LRRC4C: variants seen among roughly 807,000 people sequenced by gnomAD.
The protein encoded by LRRC4C is leucine rich repeat containing 4C, also known as leucine-rich repeat-containing protein 4C.
LRRC4C carries 5 observed loss-of-function variants against 33.6 expected under a neutral mutation model. That is an observed-to-expected ratio of 0.15 (90% CI 0.08 to 0.31). The LOEUF is 0.31. LRRC4C is among the 10% of genes least tolerant of loss of function. The probability of loss-of-function intolerance (pLI) is 1.00; values close to 1 mark genes in which losing one functional copy is unlikely to be tolerated. For synonymous variants in LRRC4C, 329 were observed against 302.0 expected, an observed-to-expected ratio of 1.09 and a Z score of -0.93; for missense variants, 560 against 796.7, an observed-to-expected ratio of 0.70 and a Z score of 3.58.
At chr11:40,882,741 A>T (rs904130834) in intron 2 of LRRC4C, among the ~76,000 whole-genome samples, 1 of 152,088 alleles carries the variant, frequency 6.6e-6, no homozygotes, top group African/African-American at 2.4e-5. Flanking sequence ...TTTACTGCCC[A>T]TACTGACCTT....
At chr11:41,077,487 C>A (rs946945619) in intron 1 of LRRC4C, among the ~76,000 whole-genome samples, 1 of 152,188 alleles carries the variant, frequency 6.6e-6, no homozygotes, top group Non-Finnish European at 1.5e-5. Context: ...GGCTTGTACC[C>A]CCTGGAGCAA....
intron 3 of LRRC4C, among the ~76,000 whole-genome samples, chr11:40,368,362 A>G (rs1041816855): frequency 6.6e-6 from 1 of 152,070 alleles, no homozygotes; most frequent in Non-Finnish European, 1.5e-5. Flanking sequence ...CAGTGTTTGG[A>G]TGAGAGTACA....
chr11:40,969,775 T>A (rs1235494770), intron 1 of LRRC4C, among the ~76,000 whole-genome samples: 1 of 152,172 alleles, frequency 6.6e-6, no homozygotes, highest in Non-Finnish European at 1.5e-5. Context: ...AAATTAAAAA[T>A]TTTGTGACTC....
At chr11:41,030,738 C>A (rs1207116443) in intron 1 of LRRC4C, among the ~76,000 whole-genome samples, 1 of 151,470 alleles carries the variant, frequency 6.6e-6, no homozygotes, top group Non-Finnish European at 1.5e-5. Context: ...TGGAACAAAA[C>A]CAAAATCAGA....
chr11:40,518,575 T>C (rs763713704), intron 3 of LRRC4C, among the ~76,000 whole-genome samples: 4 of 152,132 alleles, frequency 2.6e-5, no homozygotes, highest in Non-Finnish European at 5.9e-5. Flanking sequence ...GCAGTTAGAA[T>C]GGCAATCATT....
At chr11:41,306,021 TAAAA>T (rs1158183443) in intron 1 of LRRC4C, among the ~76,000 whole-genome samples, 3 of 110,460 alleles carry the variant, frequency 2.7e-5, no homozygotes, top group African/African-American at 5.9e-5. Context: ...TTTCTTTCTC[TAAAA>T]AAAAAAAAAA....
intron 6 of LRRC4C, 25 bp from the exon 7 acceptor site, chr11:40,116,359 C>T: frequency 6.6e-7 from 1 of 1,515,548 alleles, no homozygotes; most frequent in African/African-American, 1.4e-5. Context: ...CAAAAAAAAC[C>T]AATTATTAGA....
chr11:40,963,145 C>T (rs1052751205), intron 1 of LRRC4C, among the ~76,000 whole-genome samples: 1 of 151,638 alleles, frequency 6.6e-6, no homozygotes, highest in Non-Finnish European at 1.5e-5. Context: ...CAAGTGCACA[C>T]TATTATTTTT....
chr11:40,240,362 A>T (rs949480870), intron 5 of LRRC4C, among the ~76,000 whole-genome samples: 1 of 152,204 alleles, frequency 6.6e-6, no homozygotes, highest in African/African-American at 2.4e-5. Context: ...GAGAACCTCC[A>T]TGTCTAATGG....
intron 1 of LRRC4C, among the ~76,000 whole-genome samples, chr11:41,420,014 G>A (rs1041591560): frequency 2.6e-5 from 4 of 151,718 alleles, no homozygotes; most frequent in East Asian, 1.9e-4. Context: ...AATACCGCAG[G>A]CCTTCGATGC....
At chr11:40,363,723 C>T (rs1280661971) in intron 3 of LRRC4C, among the ~76,000 whole-genome samples, 1 of 152,160 alleles carries the variant, frequency 6.6e-6, no homozygotes, top group African/African-American at 2.4e-5. Flanking sequence ...CATAGCAAAT[C>T]AGATGATATG....
chr11:40,592,230 C>T (rs1205324394), intron 3 of LRRC4C, among the ~76,000 whole-genome samples: 3 of 152,096 alleles, frequency 2.0e-5, no homozygotes, highest in African/African-American at 7.2e-5. Context: ...GCCAAAATAG[C>T]CCATAATGTG....
intron 1 of LRRC4C, among the ~76,000 whole-genome samples, chr11:41,240,918 T>C (rs1227213328): frequency 6.6e-6 from 1 of 151,434 alleles, no homozygotes; most frequent in African/African-American, 2.4e-5. Flanking sequence ...CAAAAATGTA[T>C]ACCCTGAGAT....
intron 5 of LRRC4C, among the ~76,000 whole-genome samples, chr11:40,160,739 C>A (rs1859084767): frequency 6.6e-6 from 1 of 152,204 alleles, no homozygotes; most frequent in Middle Eastern, 3.4e-3. Flanking sequence ...TCTGCCAGAT[C>A]CAAAGATTAT....
chr11:40,290,041 GAT>G (rs144062832), intron 4 of LRRC4C, among the ~76,000 whole-genome samples: 3 of 151,244 alleles, frequency 2.0e-5, no homozygotes, highest in African/African-American at 4.8e-5. Flanking sequence ...GTCAACAAAA[GAT>G]ATATATATAT....
At chr11:40,184,935 C>T (rs534995585) in intron 5 of LRRC4C, among the ~76,000 whole-genome samples, 1 of 152,234 alleles carries the variant, frequency 6.6e-6, no homozygotes, top group East Asian at 1.9e-4. Context: ...CCTATTTATC[C>T]CAGGAGAGAT....
chr11:41,456,134 G>C (rs1446512335), intron 1 of LRRC4C, among the ~76,000 whole-genome samples: 2 of 149,624 alleles, frequency 1.3e-5, no homozygotes, highest in Non-Finnish European at 3.0e-5. Flanking sequence ...TCATCAGAGA[G>C]TGTATCTTCT....
chr11:41,195,550 C>T (rs1045914859), intron 1 of LRRC4C, among the ~76,000 whole-genome samples: 6 of 151,828 alleles, frequency 4.0e-5, no homozygotes, highest in African/African-American at 1.5e-4. Context: ...GAGATATTTC[C>T]CCCCCCAAAT....
intron 1 of LRRC4C, among the ~76,000 whole-genome samples, chr11:41,304,320 G>A (rs1316467128): frequency 1.4e-4 from 15 of 107,296 alleles, no homozygotes; most frequent in East Asian, 1.0e-3. Context: ...CCCTCTGCCC[G>A]GCCAGCCGCC....
Sources: gnomAD v4.1 joint callset for allele counts (sites outside exome capture counted in the v4.1 genomes callset) on GRCh38, gnomAD v4.1.1 for gene constraint, MANE v1.5 for transcripts, NCBI Gene and HGNC (gene_info 2026-07-23, HGNC 2026-07-21) for gene names.